The following PLPP4 variants were observed in gnomAD, a reference collection of about 807,000 sequenced individuals.
PLPP4 encodes the protein diacylglycerol pyrophosphate like 2.
A neutral mutation model predicts 32.2 loss-of-function variants in PLPP4; 20 were observed. That is an observed-to-expected ratio of 0.62 (90% CI 0.44 to 0.90). The LOEUF is 0.90. Among genes scored for constraint, PLPP4 ranks in the 40% least tolerant of loss-of-function variants. PLPP4 has a pLI of 0.00. For missense variants in PLPP4, 257 were observed against 353.1 expected (o/e 0.73, Z 2.18); for synonymous variants, 127 against 133.0 (o/e 0.95, Z 0.31).
chr10:120,574,168 A>ACACACACACACTCTCT (rs1849090021), intron 5 of PLPP4, among the ~76,000 whole-genome samples: 2 of 47,120 alleles, frequency 4.2e-5, no homozygotes, highest in African/African-American at 1.7e-4. Flanking sequence ...ACACACACAC[A>ACACACACACACTCTCT]CTCTCTCTCT....
intron 4 of PLPP4, among the ~76,000 whole-genome samples, chr10:120,519,596 G>C (rs558495596): frequency 6.6e-6 from 1 of 152,072 alleles, no homozygotes; most frequent in South Asian, 2.1e-4. Flanking sequence ...GCCCTGACCA[G>C]TGCTTACTCT....
intron 1 of PLPP4, among the ~76,000 whole-genome samples, chr10:120,475,379 T>C (rs1342105521): frequency 6.6e-6 from 1 of 152,176 alleles, no homozygotes; most frequent in Non-Finnish European, 1.5e-5. Context: ...GCATGGAACT[T>C]CCTCCCTTCG....
At chr10:120,508,128 G>A (rs1051294027) in intron 2 of PLPP4, among the ~76,000 whole-genome samples, 1 of 152,122 alleles carries the variant, frequency 6.6e-6, no homozygotes, top group Non-Finnish European at 1.5e-5. Context: ...TGATACCAGG[G>A]TTTTCTATTC....
chr10:120,556,917 A>G (rs573993680), intron 5 of PLPP4, among the ~76,000 whole-genome samples: 43 of 151,588 alleles, frequency 2.8e-4, no homozygotes, highest in Non-Finnish European at 4.6e-4. Context: ...TTTTGCACCA[A>G]CCTAATACTT....
In PLPP4 at chr10:120,555,684, T is replaced by A. The variant is rs576347009; in HGVS notation, c.446-19447T>A. ...CGTAGTGCCTGCCTGTTTGAATGAATGAATGCATGAATGAATGTAATTTCA... is the reference window on the plus strand; with the variant it reads ...CGTAGTGCCTGCCTGTTTGAATGAAAGAATGCATGAATGAATGTAATTTCA... On this transcript the variant is annotated intron_variant, in intron 5 of 6. Coordinates refer to ENST00000398250, the MANE Select transcript of PLPP4 (RefSeq NM_001030059.3). Among the ~76,000 whole-genome samples the A allele has an allele frequency of 4.0e-5, 6 of 150,892 alleles. No individual in the cohort carries two copies. The South Asian group carries it at 8.3e-4, about 21-fold the overall frequency.
intron 5 of PLPP4, among the ~76,000 whole-genome samples, chr10:120,574,107 A>C (rs1326250437): frequency 7.0e-6 from 1 of 143,804 alleles, no homozygotes; most frequent in African/African-American, 2.6e-5. Context: ...AGTTGTGGCC[A>C]CCATTAGAAT....
intron 1 of PLPP4, among the ~76,000 whole-genome samples, chr10:120,482,060 C>A (rs1844231307): frequency 6.6e-6 from 1 of 152,152 alleles, no homozygotes; most frequent in Admixed American, 6.5e-5. Flanking sequence ...CATACAACTT[C>A]TTTCTTTTGT....
intron 1 of PLPP4, among the ~76,000 whole-genome samples, chr10:120,486,907 G>C (rs963968633): frequency 6.6e-6 from 1 of 152,210 alleles, no homozygotes; most frequent in African/African-American, 2.4e-5. Flanking sequence ...CCTCCTGCAG[G>C]GGTCCCAGGT....
At chr10:120,568,931 C>T (rs1279876256) in intron 5 of PLPP4, among the ~76,000 whole-genome samples, 2 of 152,146 alleles carry the variant, frequency 1.3e-5, no homozygotes, top group Non-Finnish European at 2.9e-5. Flanking sequence ...AAAGCACCTT[C>T]TGTCATTCAA....
chr10:120,502,701 T>C (rs1371311319), intron 1 of PLPP4, among the ~76,000 whole-genome samples: 2 of 152,180 alleles, frequency 1.3e-5, no homozygotes, highest in African/African-American at 4.8e-5. Context: ...GCTGTGGGAC[T>C]CCTGATTCTG....
chr10:120,579,838 T>A (rs1247765862), intron 6 of PLPP4, among the ~76,000 whole-genome samples: 1 of 150,790 alleles, frequency 6.6e-6, no homozygotes, highest in East Asian at 2.0e-4. Context: ...CCGGGCGCGG[T>A]GGCTCATGCC....
At chr10:120,486,311 A>T (rs1209516373) in intron 1 of PLPP4, among the ~76,000 whole-genome samples, 1 of 149,752 alleles carries the variant, frequency 6.7e-6, no homozygotes, top group African/African-American at 2.5e-5. Context: ...TCTGCTTTTG[A>T]TGGGAGACAT....
chr10:120,580,763 G>C (rs919134761), intron 6 of PLPP4: 4 of 667,818 alleles, frequency 6.0e-6, no homozygotes, highest in Non-Finnish European at 8.9e-6. Flanking sequence ...GAAGTGACTT[G>C]AAAAAGATCC....
chr10:120,509,252 C>T lies in PLPP4; in HGVS notation c.166-4659C>T, dbSNP rs562729139. Among the ~76,000 whole-genome samples, 3 of 152,298 alleles carry T rather than the reference C, an allele frequency of 2.0e-5. No homozygotes were observed. In the East Asian group the frequency reaches 5.8e-4, roughly 29 times the overall value. ...TGCCATGGATATTATTATCGTCATA[C>T]CCATTTATAGATAAGGAAACTGAGA... On this transcript the variant is annotated intron_variant, in intron 2 of 6. Coordinates refer to ENST00000398250, the MANE Select transcript of PLPP4 (RefSeq NM_001030059.3).
chr10:120,573,641 A>G (rs1036532035), intron 5 of PLPP4, among the ~76,000 whole-genome samples: 1 of 152,212 alleles, frequency 6.6e-6, no homozygotes, highest in South Asian at 2.1e-4. Context: ...TTCAATATTT[A>G]TCAATAACTT....
At chr10:120,457,573 C>G (rs1847846526) in intron 1 of PLPP4, among the ~76,000 whole-genome samples, 1 of 152,140 alleles carries the variant, frequency 6.6e-6, no homozygotes, top group Non-Finnish European at 1.5e-5. Flanking sequence ...GCGACCACCG[C>G]GCGCCGAGGC....
chr10:120,498,284 AAT>A (rs148880163), intron 1 of PLPP4, among the ~76,000 whole-genome samples: 9,756 of 152,268 alleles, frequency 0.064, 378 homozygotes, highest in South Asian at 0.13. Context: ...CATAGTTAAC[AAT>A]TCATGAATGC....
intron 1 of PLPP4, among the ~76,000 whole-genome samples, chr10:120,489,331 C>T (rs1319351466): frequency 6.6e-6 from 1 of 152,148 alleles, no homozygotes; most frequent in Non-Finnish European, 1.5e-5. Context: ...GAATGAGTAC[C>T]CAGCAAAGTC....
At chr10:120,558,371 T>C (rs908667048) in intron 5 of PLPP4, among the ~76,000 whole-genome samples, 2 of 151,708 alleles carry the variant, frequency 1.3e-5, no homozygotes, top group South Asian at 2.1e-4. Context: ...TATTTATTGA[T>C]GTATGTAGCA....
Sources: allele counts gnomAD v4.1 joint callset (sites outside exome capture counted in the v4.1 genomes callset), GRCh38; gene constraint gnomAD v4.1.1; transcripts MANE v1.5; gene names NCBI Gene and HGNC (gene_info 2026-07-23, HGNC 2026-07-21).